DENND1A: variants seen among roughly 807,000 people sequenced by gnomAD.
DENND1A encodes the protein DENN domain containing 1A, also known as DENN domain-containing protein 1A.
Under a neutral mutation model 113.7 loss-of-function variants are expected in DENND1A, and 51 were observed. The observed-to-expected ratio is 0.45, with a 90% CI of 0.36 to 0.57. DENND1A has a LOEUF of 0.57. Among genes scored for constraint, DENND1A ranks in the 20% least tolerant of loss-of-function variants. DENND1A has a pLI of 0.00. For missense variants in DENND1A, 1,258 were observed against 1,395.9 expected (o/e 0.90, Z 1.57); for synonymous variants, 565 against 570.8 (o/e 0.99, Z 0.14).
intron 18 of DENND1A, 150 bp downstream of exon 18, chr9:123,450,543 A>C: frequency 1.8e-6 from 1 of 564,478 alleles, no homozygotes. Flanking sequence ...TATTTATAAC[A>C]GTGTGAAAAC....
At chr9:123,894,929 G>A (rs1205646333) in intron 1 of DENND1A, among the ~76,000 whole-genome samples, 1 of 152,186 alleles carries the variant, frequency 6.6e-6, no homozygotes, top group East Asian at 1.9e-4. Context: ...TAGGTGGAGA[G>A]GAGTGGGGGG....
Position 123,835,754 on chromosome 9 carries a change from GA to G in DENND1A, c.89-43125del, listed in dbSNP as rs1840970368. On this transcript the variant is annotated intron_variant, in intron 2 of 23. Coordinates refer to ENST00000394215, the MANE Select transcript of DENND1A (RefSeq NM_001352964.2). ...ACCACACACTTCGTTCACTCCGATA[GA>G]AAAAAATTAGTAGAAAAGAATCACT... Among the ~76,000 whole-genome samples the G allele has an allele frequency of 3.3e-5, 5 of 151,604 alleles. 1 individual carries two copies. The South Asian group carries it at 1.0e-3, about 32-fold the overall frequency.
chr9:123,401,523 C>T (rs371206161), intron 21 of DENND1A: 37 of 1,305,700 alleles, frequency 2.8e-5, no homozygotes, highest in African/African-American at 7.4e-5. Flanking sequence ...GCCACTGTGA[C>T]GTACGCTCAC....
At chr9:123,920,909 T>G (rs981397673) in intron 1 of DENND1A, among the ~76,000 whole-genome samples, 2 of 152,116 alleles carry the variant, frequency 1.3e-5, no homozygotes, top group African/African-American at 4.8e-5. Context: ...TAATTCTAAT[T>G]GTTTGCACGC....
At chr9:123,713,027 A>G (rs935547491) in intron 5 of DENND1A, among the ~76,000 whole-genome samples, 1 of 152,096 alleles carries the variant, frequency 6.6e-6, no homozygotes, top group Non-Finnish European at 1.5e-5. Flanking sequence ...GGAGTACTGA[A>G]CTCCTAAGGT....
At position 123,847,323 on chromosome 9, in the gene DENND1A, C is replaced by CA. The variant is rs573133488; in HGVS notation, c.88+31627dup. Among the ~76,000 whole-genome samples the CA allele has an allele frequency of 1.2e-3, 167 of 144,436 alleles. 1 individual carries two copies. In the South Asian group the frequency reaches 0.018, roughly 16 times the overall value. 94.8% of individuals were successfully genotyped at this position (144,436 alleles called of 152,430 possible). ...TCAGACATATGTGTAATCAAAGCTC[C>CA]AAAAAAAAAAGAAGTTCTAAGTCCT... On this transcript the variant is annotated intron_variant, in intron 2 of 23. Coordinates refer to ENST00000394215, the MANE Select transcript of DENND1A (RefSeq NM_001352964.2).
chr9:123,844,050 A>G lies in DENND1A; in HGVS notation c.88+34901T>C, dbSNP rs1409062828. 2.6e-5 allele frequency among the ~76,000 whole-genome samples: 4 copies of G among 152,134 alleles called. No individual in the cohort carries two copies. The South Asian group carries it at 8.3e-4, about 32-fold the overall frequency. ...CATAATAAAAAAAATTAAACAAACTAGAAACAAAACAGAACTTCATCAAGC... is the reference window on the plus strand; with the variant it reads ...CATAATAAAAAAAATTAAACAAACTGGAAACAAAACAGAACTTCATCAAGC... On this transcript the variant is annotated intron_variant, in intron 2 of 23. Coordinates refer to ENST00000394215, the MANE Select transcript of DENND1A (RefSeq NM_001352964.2).
intron 4 of DENND1A, among the ~76,000 whole-genome samples, chr9:123,761,452 T>A (rs371157940): frequency 3.9e-5 from 6 of 152,372 alleles, no homozygotes; most frequent in East Asian, 3.9e-4. Flanking sequence ...AGAATCTTCC[T>A]GATTCAGCTT....
intron 2 of DENND1A, among the ~76,000 whole-genome samples, chr9:123,848,134 G>A (rs931270124): frequency 2.2e-4 from 31 of 142,576 alleles, no homozygotes; most frequent in African/African-American, 7.9e-4. Flanking sequence ...GGGTAAAGAT[G>A]CCAATTAAAG....
intron 9 of DENND1A, among the ~76,000 whole-genome samples, 164 bp downstream of exon 9, chr9:123,651,849 T>C (rs2062677550): frequency 1.4e-5 from 1 of 71,504 alleles, no homozygotes; most frequent in Non-Finnish European, 2.8e-5. Flanking sequence ...AAATGTGCAT[T>C]GGCACTGTAA....
chr9:123,473,400 C>G (rs2049614335), intron 13 of DENND1A, among the ~76,000 whole-genome samples: 1 of 152,100 alleles, frequency 6.6e-6, no homozygotes, highest in African/African-American at 2.4e-5. Flanking sequence ...GCTCCAAGCG[C>G]AGCCGTTTAC....
intron 13 of DENND1A, among the ~76,000 whole-genome samples, chr9:123,468,048 G>A (rs532977467): frequency 3.3e-5 from 5 of 152,078 alleles, no homozygotes; most frequent in African/African-American, 1.2e-4. Flanking sequence ...ACCACCACCT[G>A]TACCCAGGTG....
intron 5 of DENND1A, among the ~76,000 whole-genome samples, chr9:123,705,430 A>G (rs1156920779): frequency 6.6e-6 from 1 of 152,216 alleles, no homozygotes; most frequent in Non-Finnish European, 1.5e-5. Context: ...ACATAATTTT[A>G]TATCTGAAAT....
At chr9:123,477,451 G>A (rs2050005853) in intron 13 of DENND1A, among the ~76,000 whole-genome samples, 1 of 150,848 alleles carries the variant, frequency 6.6e-6, no homozygotes, top group Non-Finnish European at 1.5e-5. Context: ...CCAGCTACTT[G>A]GGAGGCTGAG....
At chr9:123,724,644 A>G (rs1293290174) in intron 5 of DENND1A, among the ~76,000 whole-genome samples, 1 of 152,206 alleles carries the variant, frequency 6.6e-6, no homozygotes, top group African/African-American at 2.4e-5. Flanking sequence ...ATGTCTGGCC[A>G]GGCCTCCCCA....
At chr9:123,581,863 G>A (rs1162345967) in intron 12 of DENND1A, among the ~76,000 whole-genome samples, 2 of 152,140 alleles carry the variant, frequency 1.3e-5, no homozygotes, top group African/African-American at 2.4e-5. Context: ...CAGAGCTACG[G>A]AGGCCAAAGC....
At chr9:123,388,883 C>A (rs79700341) in intron 21 of DENND1A, among the ~76,000 whole-genome samples, 2,745 of 152,286 alleles carry the variant, frequency 0.018, 30 homozygotes, top group Non-Finnish European at 0.029. Flanking sequence ...TTGGTGTGAG[C>A]AGACCCGGGG....
intron 15 of DENND1A, among the ~76,000 whole-genome samples, chr9:123,455,827 G>A (rs886273471): frequency 3.9e-5 from 6 of 152,190 alleles, no homozygotes; most frequent in Non-Finnish European, 5.9e-5. Context: ...ACATGCAACC[G>A]TTAGAACACA....
At chr9:123,701,430 A>C (rs1388228768) in intron 5 of DENND1A, among the ~76,000 whole-genome samples, 1 of 152,100 alleles carries the variant, frequency 6.6e-6, no homozygotes, top group African/African-American at 2.4e-5. Context: ...TGCCTGGGGG[A>C]AAGAGAAATA....
Sources: allele counts gnomAD v4.1 joint callset (sites outside exome capture counted in the v4.1 genomes callset), GRCh38; gene constraint gnomAD v4.1.1; transcripts MANE v1.5; gene names NCBI Gene and HGNC (gene_info 2026-07-23, HGNC 2026-07-21).